NRG2: variants seen among roughly 807,000 people sequenced by gnomAD.
NRG2 encodes neuregulin 2, also known as pro-neuregulin-2, membrane-bound isoform.
Under a neutral mutation model 73.9 loss-of-function variants are expected in NRG2, and 27 were observed. The ratio of observed to expected loss-of-function variants is 0.37; its 90% confidence interval spans 0.27 to 0.50. The LOEUF is 0.50. NRG2 is among the 20% of genes least tolerant of loss of function. NRG2 has a pLI of 0.96. For missense variants in NRG2, 1,126 were observed against 1,210.1 expected (o/e 0.93, Z 1.03); for synonymous variants, 532 against 541.0 (o/e 0.98, Z 0.23).
chr5:139,888,572 C>CAA (rs1254904331), intron 1 of NRG2, among the ~76,000 whole-genome samples: 1 of 152,142 alleles, frequency 6.6e-6, no homozygotes, highest in Non-Finnish European at 1.5e-5. Context: ...CCTAGCAACT[C>CAA]AGAGTGCTGA....
rs75121769 is a variant in NRG2, at chr5:140,008,543, T to C, written c.700+33827A>G. 0.03 allele frequency among the ~76,000 whole-genome samples: 4,589 copies of C among 152,320 alleles called. 91 individuals carry two copies. The highest frequency in any genetic ancestry group is 0.047 in the Non-Finnish European group (3,189 of 68,008). ...CAAGTTTCCCTACAGTGAGCTCATCTTTACCTGAGCTAGCTTGGGAGATTC... is the reference window on the plus strand; with the variant it reads ...CAAGTTTCCCTACAGTGAGCTCATCCTTACCTGAGCTAGCTTGGGAGATTC... On this transcript the variant is annotated intron_variant, in intron 1 of 9. Transcript: ENST00000361474. The surrounding 1 kb of genome is among the most constrained non-coding windows in gnomAD (Gnocchi z 4.2).
chr5:139,871,649 G>C, intron 4 of NRG2, 72 bp downstream of exon 4: 1 of 1,584,618 alleles, frequency 6.3e-7, no homozygotes, highest in Non-Finnish European at 8.6e-7. Flanking sequence ...TCTTTTCCTA[G>C]AGCCCTCCAC....
intron 1 of NRG2, among the ~76,000 whole-genome samples, chr5:139,944,160 T>C (rs1753617648): frequency 6.6e-6 from 1 of 151,784 alleles, no homozygotes; most frequent in Admixed American, 6.6e-5. Flanking sequence ...GATGATACGA[T>C]CTTTAAAAAA....
At position 139,852,499 on chromosome 5, in the gene NRG2, A is replaced by C; in HGVS notation, c.1477T>G (p.Phe493Val). 6.2e-7 allele frequency: 1 copy of C among 1,614,126 alleles called. No homozygotes were observed. Among genetic ancestry groups the C allele is most frequent in the Non-Finnish European group, 8.5e-7 (1 of 1,180,006 alleles). Residue 493 changes from phenylalanine (F) to valine (V), a missense_variant, in exon 8 of 10, where the codon TTC becomes GTC. Coordinates refer to ENST00000361474, the MANE Select transcript of NRG2 (RefSeq NM_004883.3). This position sits in a 1 kb window ranked among gnomAD's most constrained non-coding sequence, Gnocchi z 4.4. ...GGAGAACAGGAGTGGCTCCCAGAGA[A>C]GGTGGTCTCAGTTTCTCTCCTGATG... ...HVIRRETETT[F>V]SGSHSCSPSH... is the part of the protein sequence containing the mutation.
chr5:139,927,449 T>C (rs542137914), intron 1 of NRG2, among the ~76,000 whole-genome samples: 1 of 152,100 alleles, frequency 6.6e-6, no homozygotes, highest in Non-Finnish European at 1.5e-5. Flanking sequence ...AGTCCTCTAG[T>C]TCCCTGTTCA....
chr5:139,882,609 T>G (rs1346615117), intron 2 of NRG2, among the ~76,000 whole-genome samples: 1 of 152,034 alleles, frequency 6.6e-6, no homozygotes, highest in Non-Finnish European at 1.5e-5. Context: ...CCAGCCAAAT[T>G]AGATGCCACA....
intron 1 of NRG2, among the ~76,000 whole-genome samples, chr5:140,003,267 C>T (rs1011811868): frequency 2.6e-5 from 4 of 152,254 alleles, no homozygotes; most frequent in Middle Eastern, 3.4e-3. Context: ...GTGTGGTAGT[C>T]AGAACAGTGC....
At chr5:139,955,877 A>G (rs1388057366) in intron 1 of NRG2, among the ~76,000 whole-genome samples, 2 of 152,146 alleles carry the variant, frequency 1.3e-5, no homozygotes, top group East Asian at 1.9e-4. Context: ...AATCAGCCCC[A>G]TGGAGCCTGA....
chr5:140,034,256 G>A lies in NRG2; in HGVS notation c.700+8114C>T, dbSNP rs557428583. 1.6e-4 allele frequency among the ~76,000 whole-genome samples: 25 copies of A among 152,112 alleles called. 1 individual carries two copies. In the South Asian group the frequency reaches 4.8e-3, roughly 29 times the overall value. On this transcript the variant is annotated intron_variant, in intron 1 of 9. Coordinates refer to ENST00000361474, the MANE Select transcript of NRG2 (RefSeq NM_004883.3). The stretch of plus-strand genomic sequence containing the variant: ...ATTACAGGCGTGAGCCACCATGCCC[G>A]GCCACAAAAGATGGTTTCTAAACCC...
chr5:140,022,704 A>C (rs1482283649), intron 1 of NRG2, among the ~76,000 whole-genome samples: 1 of 152,168 alleles, frequency 6.6e-6, no homozygotes, highest in African/African-American at 2.4e-5. Context: ...AACAGTATTT[A>C]TTTTTATATG....
At chr5:139,971,282 G>T (rs1430091409) in intron 1 of NRG2, among the ~76,000 whole-genome samples, 2 of 152,176 alleles carry the variant, frequency 1.3e-5, no homozygotes, top group Non-Finnish European at 2.9e-5. Context: ...TTTGATTCAT[G>T]GGCCTATTTT....
At chr5:139,860,114 G>C (rs544560688) in intron 5 of NRG2, among the ~76,000 whole-genome samples, 3 of 152,220 alleles carry the variant, frequency 2.0e-5, no homozygotes, top group African/African-American at 7.2e-5. Context: ...GTCCCCAAGA[G>C]CCCCAAGGAG....
intron 3 of NRG2, among the ~76,000 whole-genome samples, chr5:139,876,971 A>G (rs939936169): frequency 1.4e-5 from 2 of 147,478 alleles, no homozygotes; most frequent in African/African-American, 5.2e-5. Context: ...GTGTTTAAAC[A>G]GCCAGCTTTT....
At chr5:140,022,397 C>A (rs951060061) in intron 1 of NRG2, among the ~76,000 whole-genome samples, 2 of 152,256 alleles carry the variant, frequency 1.3e-5, no homozygotes, top group Admixed American at 1.3e-4. Context: ...GATTTAGTAC[C>A]CTTATGATTT....
At chr5:139,912,140 A>G (rs1033971879) in intron 1 of NRG2, among the ~76,000 whole-genome samples, 3 of 152,152 alleles carry the variant, frequency 2.0e-5, no homozygotes, top group African/African-American at 7.2e-5. Context: ...TGCAGGGGTC[A>G]GCATCCATTC....
In NRG2 at chr5:139,996,060, T is replaced by G. The variant is rs138251548; in HGVS notation, c.700+46310A>C. Among the ~76,000 whole-genome samples, 350 of 152,252 alleles carry G rather than the reference T, an allele frequency of 2.3e-3. 3 individuals carry two copies. Among genetic ancestry groups the G allele is most frequent in the Non-Finnish European group, 4.2e-3 (288 of 68,000 alleles). On this transcript the variant is annotated intron_variant, in intron 1 of 9. Transcript: ENST00000361474. ...GAAAAGAAGGGAAAACATCAGAAAGTTATTTATTTATTTCATCCTCAAATG... is the reference window on the plus strand; with the variant it reads ...GAAAAGAAGGGAAAACATCAGAAAGGTATTTATTTATTTCATCCTCAAATG...
intron 1 of NRG2, among the ~76,000 whole-genome samples, chr5:139,937,081 C>A (rs1237900777): frequency 1.3e-5 from 2 of 152,168 alleles, no homozygotes; most frequent in South Asian, 4.1e-4. Flanking sequence ...GGATTGCAGG[C>A]GTGAGCCACC....
chr5:139,955,808 C>T (rs1754581732), intron 1 of NRG2, among the ~76,000 whole-genome samples: 2 of 152,080 alleles, frequency 1.3e-5, no homozygotes, highest in African/African-American at 4.8e-5. Flanking sequence ...GTGGGAGGGC[C>T]ATGAAGTGTA....
At chr5:140,030,574 T>C (rs1036645071) in intron 1 of NRG2, among the ~76,000 whole-genome samples, 1 of 152,218 alleles carries the variant, frequency 6.6e-6, no homozygotes, top group Non-Finnish European at 1.5e-5. Context: ...GCCCTTTCAG[T>C]TGACTGAGTG....
Sources: allele counts gnomAD v4.1 joint callset (sites outside exome capture counted in the v4.1 genomes callset), GRCh38; gene constraint gnomAD v4.1.1; non-coding constraint Gnocchi (gnomAD v3.1); transcripts MANE v1.5; gene names NCBI Gene and HGNC (gene_info 2026-07-23, HGNC 2026-07-21).